Variants in SLC4A8 observed in about 807,000 individuals in gnomAD.
SLC4A8 encodes electroneutral sodium bicarbonate exchanger 1.
A neutral mutation model predicts 125.0 loss-of-function variants in SLC4A8; 40 were observed. The ratio of observed to expected loss-of-function variants is 0.32; its 90% CI spans 0.25 to 0.42. The LOEUF is 0.42. SLC4A8 is among the 10% of genes least tolerant of loss of function. SLC4A8 has a pLI of 1.00. For missense variants in SLC4A8, 863 were observed against 1,355.1 expected (o/e 0.64, Z 5.70); for synonymous variants, 456 against 476.0 (o/e 0.96, Z 0.55).
At chr12:51,457,679 CT>C in intron 6 of SLC4A8, 140 bp downstream of exon 6, 1 of 734,678 alleles carries the variant, frequency 1.4e-6, no homozygotes, top group Non-Finnish European at 2.2e-6. Flanking sequence ...TTTTTGGAGA[CT>C]GGTAAGATTG....
intron 11 of SLC4A8, among the ~76,000 whole-genome samples, chr12:51,464,518 T>C (rs1186068717): frequency 3.9e-5 from 6 of 152,154 alleles, no homozygotes; most frequent in Non-Finnish European, 8.8e-5. Flanking sequence ...TTTTATTCCC[T>C]AGGTCAGAAG....
intron 8 of SLC4A8, among the ~76,000 whole-genome samples, chr12:51,460,623 G>A (rs1390720468): frequency 1.3e-5 from 2 of 152,200 alleles, no homozygotes; most frequent in African/African-American, 2.4e-5. Context: ...CCAGGGGAAC[G>A]TCTCTGAATA....
intron 8 of SLC4A8, 68 bp downstream of exon 8, chr12:51,460,176 A>G (rs1950278778): frequency 8.6e-7 from 1 of 1,159,148 alleles, no homozygotes; most frequent in Admixed American, 1.8e-5. Context: ...GGTAGAAGAA[A>G]CCACTTAATA....
intron 3 of SLC4A8, 105 bp from the exon 4 acceptor site, chr12:51,452,019 C>A: frequency 2.0e-6 from 2 of 1,025,626 alleles, no homozygotes; most frequent in Non-Finnish European, 2.9e-6. Flanking sequence ...CTTCTGCATT[C>A]GTGGTTGTCT....
chr12:51,465,774 A>G (rs1275902570), intron 11 of SLC4A8, among the ~76,000 whole-genome samples: 3 of 152,220 alleles, frequency 2.0e-5, no homozygotes, highest in Non-Finnish European at 4.4e-5. Flanking sequence ...AGGCAAGGTG[A>G]CATAATGGCT....
At chr12:51,453,511 G>A in intron 4 of SLC4A8, 28 bp from the exon 5 acceptor site, 2 of 1,602,476 alleles carry the variant, frequency 1.2e-6, no homozygotes, top group Non-Finnish European at 1.7e-6. Context: ...TTCTATCTTT[G>A]GCATCTAGTT....
In SLC4A8 at chr12:51,497,112, C is replaced by G; in HGVS notation, c.3069C>G (p.Ala1023=). Residue 1023 remains alanine (A), a synonymous_variant, in exon 22 of 25, where the codon GCC becomes GCG. Coordinates refer to ENST00000453097, the MANE Select transcript of SLC4A8 (RefSeq NM_001039960.3). The part of the protein sequence containing the change: ...KKKLDDAKKK[A]KEEEEAEKML... The stretch of plus-strand genomic sequence containing the variant: ...AGTTGGATGATGCCAAAAAGAAGGC[C>G]AAGGAGGAAGAGGTCATAGTCCTTG... The G allele has an allele frequency of 1.2e-6, 2 of 1,613,348 alleles. No individual in the cohort carries two copies. Among genetic ancestry groups the G allele is most frequent in the Non-Finnish European group, 8.5e-7 (1 of 1,179,858 alleles).
chr12:51,490,369 C>G (rs1951276481), intron 19 of SLC4A8, among the ~76,000 whole-genome samples: 1 of 151,804 alleles, frequency 6.6e-6, no homozygotes, highest in African/African-American at 2.4e-5. Flanking sequence ...TCCTGGCTAA[C>G]ACAGTGAAAC....
chr12:51,500,413 CTA>C (rs199926889), intron 22 of SLC4A8, among the ~76,000 whole-genome samples: 2,456 of 152,108 alleles, frequency 0.016, 26 homozygotes, highest in Middle Eastern at 0.037. Flanking sequence ...TTTCATATAA[CTA>C]TGATAATTAT....
In SLC4A8 at chr12:51,453,682, G is replaced by A; in HGVS notation, c.557G>A (p.Ser186Asn). 6.2e-7 allele frequency: 1 copy of A among 1,612,952 alleles called. No individual in the cohort carries two copies. The highest frequency in any genetic ancestry group is 1.1e-5 in the South Asian group (1 of 90,888). Reference protein sequence around the residue: ...GTVLLDMHANSIEEISDLILD... With the variant: ...GTVLLDMHANNIEEISDLILD... ...GTCCTCCTGGATATGCATGCAAATA[G>A]CATAGAAGAAATTTCAGGTAAGGTT... is the stretch of plus-strand genomic sequence containing the variant. The change falls in exon 5 of 25, where the codon AGC becomes AAC. Residue 186 changes from serine to asparagine, a missense_variant. Around this residue, in one of 6 missense-constraint regions of SLC4A8, gnomAD observed 390 missense variants for 634.4 expected, o/e 0.61. Transcript: ENST00000453097.
chr12:51,432,772 A>C (rs905835943), intron 1 of SLC4A8, among the ~76,000 whole-genome samples: 1 of 152,132 alleles, frequency 6.6e-6, no homozygotes, highest in Non-Finnish European at 1.5e-5. Flanking sequence ...ATATTTATTG[A>C]TTTTGAAATG....
intron 16 of SLC4A8, among the ~76,000 whole-genome samples, chr12:51,484,549 A>C (rs1855190421): frequency 6.6e-6 from 1 of 152,194 alleles, no homozygotes; most frequent in Non-Finnish European, 1.5e-5. Context: ...CATTCAGAGA[A>C]GAACTAACAA....
chr12:51,467,166 A>G (rs1950545491), intron 11 of SLC4A8, among the ~76,000 whole-genome samples: 1 of 152,178 alleles, frequency 6.6e-6, no homozygotes, highest in South Asian at 2.1e-4. Context: ...TTGAGGGGCT[A>G]TTTACCTAGA....
In SLC4A8 at chr12:51,512,924, A is replaced by G. The variant is rs1291060943; in HGVS notation, c.*5486A>G. 6.6e-6 allele frequency: 1 copy of G among 152,222 alleles called. No homozygotes were observed. Among genetic ancestry groups the G allele is most frequent in the Non-Finnish European group, 1.5e-5 (1 of 68,034 alleles). The allele number at this position is 152,222 out of a possible 1,614,324, so 9.4% of individuals were successfully genotyped here. On this transcript the variant is annotated 3_prime_UTR_variant, in exon 25 of 25. Transcript: ENST00000453097. ...GGAAAGCAAGGCAGGTAGTTAGGTGATTTCCATGACCACATTTGCTTGGGC... is the reference window on the plus strand; with the variant it reads ...GGAAAGCAAGGCAGGTAGTTAGGTGGTTTCCATGACCACATTTGCTTGGGC...
chr12:51,500,073 G>A (rs1190793811), intron 22 of SLC4A8, among the ~76,000 whole-genome samples: 2 of 152,174 alleles, frequency 1.3e-5, no homozygotes, highest in Non-Finnish European at 2.9e-5. Context: ...GGTGAAAGAG[G>A]AATCAAGTAT....
chr12:51,489,971 T>C lies in SLC4A8; in HGVS notation c.2700+20T>C, dbSNP rs1592266787. ...TTAAAGGTAATCATCCTTTCAGTCA[T>C]TCAGCAAATATCAAGGGCCTGATTT... On this transcript the variant is annotated intron_variant, in intron 19 of 24. Coordinates refer to ENST00000453097, the MANE Select transcript of SLC4A8 (RefSeq NM_001039960.3). 9.3e-6 allele frequency: 15 copies of C among 1,611,790 alleles called. No individual in the cohort carries two copies. The East Asian group carries it at 3.3e-4, about 36-fold the overall frequency.
chr12:51,410,692 T>C (rs564381502), intron 1 of SLC4A8, among the ~76,000 whole-genome samples: 9 of 152,164 alleles, frequency 5.9e-5, no homozygotes, highest in African/African-American at 1.9e-4. Flanking sequence ...ACTCCTGACC[T>C]CAGGTGATCC....
chr12:51,406,518 G>C (rs1948492427), intron 1 of SLC4A8, among the ~76,000 whole-genome samples: 1 of 151,988 alleles, frequency 6.6e-6, no homozygotes, highest in African/African-American at 2.4e-5. Context: ...ATGAAGAGGG[G>C]AGTGGTTAAC....
intron 1 of SLC4A8, among the ~76,000 whole-genome samples, chr12:51,402,863 G>A (rs1948418070): frequency 6.6e-6 from 1 of 152,124 alleles, no homozygotes; most frequent in Admixed American, 6.5e-5. Context: ...TCTTCTGGGG[G>A]TGCTTGTCAC....
Sources: allele counts gnomAD v4.1 joint callset (sites outside exome capture counted in the v4.1 genomes callset), GRCh38; gene constraint gnomAD v4.1.1; regional missense constraint gnomAD v4.1.1; transcripts MANE v1.5; gene names NCBI Gene and HGNC (gene_info 2026-07-23, HGNC 2026-07-21).